The following MYDGF variants were observed in gnomAD, a reference collection of about 807,000 sequenced individuals.
MYDGF encodes the protein myeloid derived growth factor.
A neutral mutation model predicts 24.2 loss-of-function variants in MYDGF; 29 were observed. The ratio of observed to expected loss-of-function variants is 1.20; its 90% CI spans 0.89 to 1.63. The LOEUF is 1.63. Among genes scored for constraint, MYDGF ranks in the 40% most tolerant of loss-of-function variants. MYDGF has a pLI of 0.00. For synonymous variants in MYDGF, 105 were observed against 102.5 expected, an observed-to-expected ratio of 1.02 and a Z score of -0.15; for missense variants, 245 against 234.8, an observed-to-expected ratio of 1.04 and a Z score of -0.29.
chr19:4,660,714 G>C lies in MYDGF; in HGVS notation c.324C>G (p.Phe108Leu). 1 of 1,614,072 alleles carries C rather than the reference G, an allele frequency of 6.2e-7. No individual in the cohort carries two copies. Among genetic ancestry groups the C allele is most frequent in the Non-Finnish European group, 8.5e-7 (1 of 1,180,008 alleles). Residue 108 changes from phenylalanine to leucine, a missense_variant, in exon 4 of 6, where the codon TTC becomes TTG. Coordinates refer to ENST00000262947, the MANE Select transcript of MYDGF (RefSeq NM_019107.4). Reference protein sequence around the residue: ...QGKSYLYFTQFKAEVRGAEIE... With the variant: ...QGKSYLYFTQLKAEVRGAEIE... ...TCTCAGCGCCCCGCACCTCTGCCTTGAACTGTGTGAAGTACAGATAGGACT... is the reference window on the plus strand; with the variant it reads ...TCTCAGCGCCCCGCACCTCTGCCTTCAACTGTGTGAAGTACAGATAGGACT...
intron 3 of MYDGF, among the ~76,000 whole-genome samples, chr19:4,661,967 C>G (rs1406145317): frequency 6.6e-6 from 1 of 152,160 alleles, no homozygotes; most frequent in African/African-American, 2.4e-5. Flanking sequence ...GGCCTGCAGA[C>G]AGACGATGGC....
rs754600216 is a variant in MYDGF at position 4,670,251 on chromosome 19, C to T, written c.84G>A (p.Pro28=). ...ALLLGAVALR[P]AEAVSEPTTV... is the part of the protein sequence containing the mutation. ...TCGTGGGCTCGGACACCGCCTCCGC[C>T]GGCCTCAGCGCCACGGCCCCTAGGA... Residue 28 remains proline (P), a synonymous_variant, in exon 1 of 6, where the codon CCG becomes CCA. Coordinates refer to ENST00000262947, the MANE Select transcript of MYDGF (RefSeq NM_019107.4). The T allele has an allele frequency of 1.3e-6, 2 of 1,565,328 alleles. No individual in the cohort carries two copies. Among genetic ancestry groups the T allele is most frequent in the Non-Finnish European group, 8.6e-7 (1 of 1,158,416 alleles).
chr19:4,660,724 A>G lies in MYDGF; in HGVS notation c.314T>C (p.Phe105Ser). 1 of 1,613,868 alleles carries G rather than the reference A, an allele frequency of 6.2e-7. No individual in the cohort carries two copies. ...WRPQGKSYLY[F>S]TQFKAEVRGA... ...CCGCACCTCTGCCTTGAACTGTGTG[A>G]AGTACAGATAGGACTTCCCCTGGGG... Residue 105 changes from phenylalanine (F) to serine (S), a missense_variant, in exon 4 of 6, where the codon TTC (phenylalanine) becomes TCC (serine). By Grantham distance (155) the Phe-to-Ser change is radical. Coordinates refer to ENST00000262947, the MANE Select transcript of MYDGF (RefSeq NM_019107.4).
At chr19:4,665,622 C>T (rs1385288258) in intron 2 of MYDGF, among the ~76,000 whole-genome samples, 3 of 151,376 alleles carry the variant, frequency 2.0e-5, no homozygotes, top group Non-Finnish European at 4.4e-5. Flanking sequence ...GAGATCAAGA[C>T]CATCCTGGCT....
Position 4,658,055 on chromosome 19 carries a change from C to G in MYDGF, c.472G>C (p.Glu158Gln). The change falls in exon 6 of 6, where the codon GAG (glutamate) becomes CAG (glutamine). Residue 158 changes from glutamate (E) to glutamine (Q), a missense_variant. Coordinates refer to ENST00000262947, the MANE Select transcript of MYDGF (RefSeq NM_019107.4). ...GCCACAATCACCAGCTTGGACAGCT[C>G]AGCTTTGAATGCCCCGGGCCTGTGA... ...VAHRPGAFKAELSKLVIVAKA... is the reference protein window; with the variant it reads ...VAHRPGAFKAQLSKLVIVAKA... 1.9e-6 allele frequency: 3 copies of G among 1,611,850 alleles called. No individual in the cohort carries two copies. Among genetic ancestry groups the G allele is most frequent in the Non-Finnish European group, 2.5e-6 (3 of 1,179,402 alleles).
chr19:4,665,530 T>C (rs1264850669), intron 2 of MYDGF, among the ~76,000 whole-genome samples: 4 of 151,768 alleles, frequency 2.6e-5, no homozygotes, highest in African/African-American at 2.4e-5. Context: ...AACATATAAA[T>C]AGATGTCCAG....
chr19:4,668,527 C>T, intron 2 of MYDGF, 68 bp downstream of exon 2: 1 of 1,422,576 alleles, frequency 7.0e-7, no homozygotes, highest in South Asian at 1.1e-5. Context: ...CTGCTGTCTG[C>T]TACAGAACAT....
Position 4,659,934 on chromosome 19 carries a change from C to T in MYDGF, c.439G>A (p.Ala147Thr), listed in dbSNP as rs754076579. Reference sequence around the variant, plus strand: ...CCCCATCCCCATCTTTCCGTACCTGCTGTTTTGGTCACTTCAAATTCCTCA... The same window carrying T: ...CCCCATCCCCATCTTTCCGTACCTGTTGTTTTGGTCACTTCAAATTCCTCA... Reference protein sequence around the residue: ...KTEEFEVTKTAVAHRPGAFKA... With the variant: ...KTEEFEVTKTTVAHRPGAFKA... The change falls in exon 5 of 6, where the codon GCA becomes ACA. Residue 147 changes from alanine (A) to threonine (T), a missense_variant. By Grantham distance (58) the Ala-to-Thr change is moderately conservative. Transcript: ENST00000262947. 6.2e-7 allele frequency: 1 copy of T among 1,613,936 alleles called. No homozygotes were observed.
At position 4,661,146 on chromosome 19, in the gene MYDGF, T is replaced by C. The variant is rs73535698; in HGVS notation, c.288-396A>G. On this transcript the variant is annotated intron_variant, in intron 3 of 5. Transcript: ENST00000262947. ...CACATCTGACTAATTTTGGTATTTT[T>C]AGTAAAAACATGGTTTCACCATGTT... 3.7e-3 allele frequency among the ~76,000 whole-genome samples: 562 copies of C among 152,016 alleles called. 4 individuals are homozygous for C. Among genetic ancestry groups the C allele is most frequent in the African/African-American group, 0.013 (530 of 41,462 alleles).
chr19:4,660,329 T>C (rs985204682), intron 4 of MYDGF, among the ~76,000 whole-genome samples: 4 of 152,222 alleles, frequency 2.6e-5, no homozygotes, highest in African/African-American at 9.6e-5. Flanking sequence ...GGTCTTGCTA[T>C]GTTGCCTAGG....
Position 4,657,950 on chromosome 19 carries a change from G to A in MYDGF, c.*55C>T, listed in dbSNP as rs2088435593. The A allele has an allele frequency of 6.7e-7, 1 of 1,494,212 alleles. No individual in the cohort carries two copies. The highest frequency in any genetic ancestry group is 2.0e-5 in the Admixed American group (1 of 50,952). 92.6% of individuals were successfully genotyped at this position (1,494,212 alleles called of 1,614,324 possible). ...ATGTGCTGGCCCTTTCAGGGACACA[G>A]GCCCCTTCAGCTTCACCGGAGATGA... On this transcript the variant is annotated 3_prime_UTR_variant, in exon 6 of 6. Transcript: ENST00000262947.
chr19:4,660,204 C>T (rs1370592132), intron 4 of MYDGF, among the ~76,000 whole-genome samples: 2 of 152,180 alleles, frequency 1.3e-5, no homozygotes, highest in Non-Finnish European at 2.9e-5. Flanking sequence ...TAGCTCACTG[C>T]AGCTTCAAAG....
At position 4,668,385 on chromosome 19, in the gene MYDGF, C is replaced by T. The variant is rs2088536364; in HGVS notation, c.225+210G>A. Among the ~76,000 whole-genome samples, 2 of 152,198 alleles carry T rather than the reference C, an allele frequency of 1.3e-5. 1 individual carries two copies. The highest frequency in any genetic ancestry group is 1.3e-4 in the Admixed American group (2 of 15,270). ...CCCATCTCCCCTCCCTCCTTCTGTCCAGACATTTGCTTGCTCTGTAGAATA... is the reference window on the plus strand; with the variant it reads ...CCCATCTCCCCTCCCTCCTTCTGTCTAGACATTTGCTTGCTCTGTAGAATA... On this transcript the variant is annotated intron_variant, in intron 2 of 5. Transcript: ENST00000262947.
At chr19:4,670,084 G>C in intron 1 of MYDGF, 77 bp downstream of exon 1, 1 of 1,367,040 alleles carries the variant, frequency 7.3e-7, no homozygotes, top group Admixed American at 3.5e-5. Context: ...CCCCTCCTCG[G>C]GCCCCGCCCC....
intron 5 of MYDGF, among the ~76,000 whole-genome samples, chr19:4,658,872 G>C (rs1047950771): frequency 4.1e-5 from 6 of 147,028 alleles, no homozygotes; most frequent in African/African-American, 1.5e-4. Flanking sequence ...GTGCAGTCTC[G>C]ACTCACTGCA....
intron 5 of MYDGF, among the ~76,000 whole-genome samples, chr19:4,659,504 G>A (rs541432186): frequency 2.6e-5 from 4 of 152,166 alleles, no homozygotes; most frequent in African/African-American, 7.2e-5. Context: ...GATTACAGGC[G>A]TGAGCCACCG....
At chr19:4,661,111 C>T (rs1185688059) in intron 3 of MYDGF, among the ~76,000 whole-genome samples, 1 of 151,920 alleles carries the variant, frequency 6.6e-6, no homozygotes, top group African/African-American at 2.4e-5. Flanking sequence ...GGAGTACAGG[C>T]ACCCGCGACC....
At chr19:4,662,627 G>C (rs907117253) in intron 3 of MYDGF, among the ~76,000 whole-genome samples, 2 of 152,122 alleles carry the variant, frequency 1.3e-5, no homozygotes, top group Non-Finnish European at 2.9e-5. Context: ...CCAGATGCAT[G>C]TGTGTTCGGG....
At chr19:4,660,359 C>A (rs2088460146) in intron 4 of MYDGF, among the ~76,000 whole-genome samples, 1 of 152,098 alleles carries the variant, frequency 6.6e-6, no homozygotes, top group Non-Finnish European at 1.5e-5. Flanking sequence ...AATTCCTGGC[C>A]TCCAGCAATC....
Sources: allele counts gnomAD v4.1 joint callset (sites outside exome capture counted in the v4.1 genomes callset), GRCh38; gene constraint gnomAD v4.1.1; transcripts MANE v1.5; gene names NCBI Gene and HGNC (gene_info 2026-07-23, HGNC 2026-07-21).